Variants in JAKMIP1 observed in about 807,000 individuals in gnomAD.
JAKMIP1 encodes the protein janus kinase and microtubule-interacting protein 1.
JAKMIP1 carries 33 observed loss-of-function variants against 113.0 expected under a neutral mutation model. The observed-to-expected ratio is 0.29, with a 90% CI of 0.22 to 0.39. The LOEUF is 0.39. Ranked by LOEUF, JAKMIP1 falls within the 10% of genes least tolerant of loss-of-function variation. The probability of loss-of-function intolerance (pLI) is 1.00; values close to 1 mark genes in which losing one functional copy is unlikely to be tolerated. For synonymous variants in JAKMIP1, 480 were observed against 459.9 expected (o/e 1.04, Z -0.56); for missense variants, 813 against 1,080.5 (o/e 0.75, Z 3.47).
chr4:6,127,970 A>C (rs1717963501), intron 1 of JAKMIP1, among the ~76,000 whole-genome samples: 1 of 151,206 alleles, frequency 6.6e-6, no homozygotes, highest in African/African-American at 2.4e-5. Flanking sequence ...CCATCCCACC[A>C]CCCCCATCTC....
rs546311971 is a variant in JAKMIP1, at chr4:6,138,997, C to G, written c.-147-26000G>C. Among the ~76,000 whole-genome samples the G allele has an allele frequency of 6.6e-6, 1 of 151,762 alleles. No individual in the cohort carries two copies. The highest frequency in any genetic ancestry group is 1.5e-5 in the Non-Finnish European group (1 of 67,952). ...AATATGTCTCCCCACCCCACCCTGT[C>G]TGTTCATCCTCCATGGCCTTAGTCA... On this transcript the variant is annotated intron_variant, in intron 1 of 20. Coordinates refer to ENST00000409021, the MANE Select transcript of JAKMIP1 (RefSeq NM_001099433.2). The surrounding 1 kb of genome is among the most constrained non-coding windows in gnomAD (Gnocchi z 6.0).
intron 8 of JAKMIP1, among the ~76,000 whole-genome samples, chr4:6,077,575 C>A (rs1350854397): frequency 6.6e-6 from 1 of 150,654 alleles, no homozygotes; most frequent in East Asian, 2.0e-4. Context: ...CAGCCTTGAC[C>A]TCCTGGGCTC....
Position 6,036,059 on chromosome 4 carries a change from G to C in JAKMIP1, c.2224C>G (p.Pro742Ala). The change falls in exon 19 of 21, where the codon CCG becomes GCG. Residue 742 changes from proline (P) to alanine (A), a missense_variant. By Grantham distance (27) the Pro-to-Ala change is conservative. This residue lies in a region of JAKMIP1 where 273 missense variants were observed against 426.6 expected (regional missense o/e 0.64). Transcript: ENST00000409021. ...ATLYTALQQE[P>A]GRRAGEALSE... ...AGCGCCTCACCGGCCCTCCGCCCCG[G>C]CTCCTGCTGCAGCGCTGTGTACAGT... 1 of 1,557,592 alleles carries C rather than the reference G, an allele frequency of 6.4e-7. No homozygotes were observed. The highest frequency in any genetic ancestry group is 8.7e-7 in the Non-Finnish European group (1 of 1,150,402).
chr4:6,191,308 G>A (rs536971863), intron 1 of JAKMIP1, among the ~76,000 whole-genome samples: 210 of 152,218 alleles, frequency 1.4e-3, no homozygotes, highest in African/African-American at 4.8e-3. Flanking sequence ...AGCTCCCACC[G>A]CCAGTGTGAC....
chr4:6,081,496 G>T lies in JAKMIP1; in HGVS notation c.1101+113C>A. The T allele has an allele frequency of 8.7e-7, 1 of 1,145,504 alleles. No individual in the cohort carries two copies. Among genetic ancestry groups the T allele is most frequent in the South Asian group, 1.4e-5 (1 of 69,718 alleles). The allele number at this position is 1,145,504 out of a possible 1,614,324, so 71.0% of individuals were successfully genotyped here. A position where few individuals can be genotyped will look rare whatever the true frequency, so the allele number is the denominator to read the frequency against. The stretch of plus-strand genomic sequence containing the variant: ...CTGACACTGTGCCTGGTGCTTTGTG[G>T]GGAGGTGGGCAGCAGGTGCGCCCCA... On this transcript the variant is annotated intron_variant, in intron 6 of 20. Transcript: ENST00000409021. The surrounding 1 kb of genome is among the most constrained non-coding windows in gnomAD (Gnocchi z 4.6).
Position 6,199,968 on chromosome 4 carries a change from A to C in JAKMIP1, c.-148+285T>G, listed in dbSNP as rs975846266. Among the ~76,000 whole-genome samples the C allele has an allele frequency of 2.6e-5, 2 of 76,824 alleles. No individual in the cohort carries two copies. The highest frequency in any genetic ancestry group is 1.0e-4 in the African/African-American group (2 of 19,882). The allele number at this position is 76,824 out of a possible 152,430, so 50.4% of individuals were successfully genotyped here. A position where few individuals can be genotyped will look rare whatever the true frequency, so the allele number is the denominator to read the frequency against. On this transcript the variant is annotated intron_variant, in intron 1 of 20. Transcript: ENST00000409021. The surrounding 1 kb of genome is among the most constrained non-coding windows in gnomAD (Gnocchi z 5.6). ...GCTGGGGGCTGGGGGCGGGACCGGG[A>C]GGGGGTGTTGGGGGAAGCGACGCAG...
chr4:6,064,990 A>T lies in JAKMIP1; in HGVS notation c.1321T>A (p.Phe441Ile), dbSNP rs1418682510. The change falls in exon 9 of 21, where the codon TTT (phenylalanine) becomes ATT (isoleucine). Residue 441 changes from phenylalanine to isoleucine, a missense_variant. By Grantham distance (21) the Phe-to-Ile change is conservative. This residue lies in a region of JAKMIP1 where 540 missense variants were observed against 653.9 expected (regional missense o/e 0.83). Coordinates refer to ENST00000409021, the MANE Select transcript of JAKMIP1 (RefSeq NM_001099433.2). The surrounding 1 kb of genome is among the most constrained non-coding windows in gnomAD (Gnocchi z 4.3). ...KPPKKHVVET[F>I]FGFDEESVDS... ...ACAGACTCCTCATCAAATCCAAAAA[A>T]TGTCTCCACAACATGCTTCTGTAAA... 6.2e-7 allele frequency: 1 copy of T among 1,614,164 alleles called. No homozygotes were observed. Among genetic ancestry groups the T allele is most frequent in the Non-Finnish European group, 8.5e-7 (1 of 1,180,026 alleles).
In JAKMIP1 at chr4:6,142,860, G is replaced by A. The variant is rs1720354801; in HGVS notation, c.-147-29863C>T. The stretch of plus-strand genomic sequence containing the variant: ...ATTGCTTACAGGTGAGGAAACGGAG[G>A]ATGGAAAGGTTTAAGGGACATGGCC... On this transcript the variant is annotated intron_variant, in intron 1 of 20. Transcript: ENST00000409021. This position sits in a 1 kb window ranked among gnomAD's most constrained non-coding sequence, Gnocchi z 5.5. Among the ~76,000 whole-genome samples, 1 of 152,210 alleles carries A rather than the reference G, an allele frequency of 6.6e-6. No homozygotes were observed. The highest frequency in any genetic ancestry group is 2.1e-4 in the South Asian group (1 of 4,832).
chr4:6,191,848 T>C (rs1166262747), intron 1 of JAKMIP1, among the ~76,000 whole-genome samples: 1 of 152,220 alleles, frequency 6.6e-6, no homozygotes, highest in East Asian at 1.9e-4. Flanking sequence ...AAAATTCATG[T>C]GAAAATTATT....
chr4:6,068,854 G>A (rs1267899402), intron 8 of JAKMIP1, among the ~76,000 whole-genome samples: 1 of 152,144 alleles, frequency 6.6e-6, no homozygotes, highest in African/African-American at 2.4e-5. Flanking sequence ...ACAGGTGTGA[G>A]CCATCATGCC....
chr4:6,122,160 G>A (rs1426811076), intron 1 of JAKMIP1, among the ~76,000 whole-genome samples: 4 of 152,072 alleles, frequency 2.6e-5, no homozygotes, highest in African/African-American at 9.7e-5. Context: ...GCCTGGTCAA[G>A]ATAGTGAAAC....
chr4:6,195,134 C>G (rs11729302), intron 1 of JAKMIP1, among the ~76,000 whole-genome samples: 16,600 of 152,246 alleles, frequency 0.11, 1,023 homozygotes, highest in Non-Finnish European at 0.14. Context: ...GGGCTGCAGA[C>G]AATGGGACAA....
intron 8 of JAKMIP1, among the ~76,000 whole-genome samples, chr4:6,078,326 CA>C (rs35404685): frequency 2.2e-4 from 28 of 124,752 alleles, no homozygotes; most frequent in Non-Finnish European, 2.4e-4. Context: ...AAAAAAAAAA[CA>C]AAAAAAAAAT....
At position 6,059,672 on chromosome 4, in the gene JAKMIP1, C is replaced by A. The variant is rs1419356050; in HGVS notation, c.1644+752G>T. ...GGGCAGTTCCAAGATGGTGGTGCCC[C>A]CCTCCCTGAATCCCTGAGAGGCCCT... is the stretch of plus-strand genomic sequence containing the variant. On this transcript the variant is annotated intron_variant, in intron 11 of 20. Transcript: ENST00000409021. The surrounding 1 kb of genome is among the most constrained non-coding windows in gnomAD (Gnocchi z 4.8). 6.6e-6 allele frequency among the ~76,000 whole-genome samples: 1 copy of A among 152,102 alleles called. No individual in the cohort carries two copies.
At position 6,138,066 on chromosome 4, in the gene JAKMIP1, T is replaced by G. The variant is rs768178665; in HGVS notation, c.-147-25069A>C. ...AGAGGCCAGCTCTGGGGTGACACTC[T>G]GGGGGTCAAGCCTAAGCCCAGACAA... On this transcript the variant is annotated intron_variant, in intron 1 of 20. Transcript: ENST00000409021. The surrounding 1 kb of genome is among the most constrained non-coding windows in gnomAD (Gnocchi z 6.0). Among the ~76,000 whole-genome samples, 2 of 152,024 alleles carry G rather than the reference T, an allele frequency of 1.3e-5. No homozygotes were observed. Among genetic ancestry groups the G allele is most frequent in the Non-Finnish European group, 2.9e-5 (2 of 67,988 alleles).
intron 8 of JAKMIP1, among the ~76,000 whole-genome samples, chr4:6,074,637 T>A (rs959639002): frequency 2.6e-5 from 4 of 152,196 alleles, no homozygotes; most frequent in Non-Finnish European, 5.9e-5. Flanking sequence ...TGCTTGCATA[T>A]AACCTACGCA....
chr4:6,159,402 T>G (rs1188731246), intron 1 of JAKMIP1, among the ~76,000 whole-genome samples: 2 of 151,876 alleles, frequency 1.3e-5, no homozygotes, highest in Non-Finnish European at 2.9e-5. Context: ...AGCAAAAACA[T>G]CAAACCACAA....
intron 1 of JAKMIP1, among the ~76,000 whole-genome samples, chr4:6,117,493 G>A (rs1477910462): frequency 6.6e-6 from 1 of 150,800 alleles, no homozygotes; most frequent in Non-Finnish European, 1.5e-5. Context: ...TGGAGACAGG[G>A]CAAGATCACA....
At chr4:6,152,789 A>AATATATATATATATACAT (rs1721738256) in intron 1 of JAKMIP1, among the ~76,000 whole-genome samples, 1 of 135,294 alleles carries the variant, frequency 7.4e-6, no homozygotes, top group African/African-American at 2.9e-5. Flanking sequence ...TAAAAATACA[A>AATATATATATATATACAT]ATATATATAT....
Sources: gnomAD v4.1 joint callset for allele counts (sites outside exome capture counted in the v4.1 genomes callset) on GRCh38, gnomAD v4.1.1 for gene constraint, gnomAD v4.1.1 regional missense constraint, Gnocchi (gnomAD v3.1) non-coding constraint, MANE v1.5 for transcripts, NCBI Gene and HGNC (gene_info 2026-07-23, HGNC 2026-07-21) for gene names.